The following TRIM6 variants were observed in gnomAD, a reference collection of about 807,000 sequenced individuals.
The protein encoded by TRIM6 is tripartite motif-containing protein 6.
A neutral mutation model predicts 51.2 loss-of-function variants in TRIM6; 43 were observed. The ratio of observed to expected loss-of-function variants is 0.84; its 90% CI spans 0.66 to 1.08. The LOEUF is 1.08. TRIM6 is among the 50% of genes least tolerant of loss of function. The pLI, the probability that TRIM6 is intolerant of heterozygous loss-of-function variation, is 0.00. For missense variants in TRIM6, 669 were observed against 619.0 expected (o/e 1.08, Z -0.86); for synonymous variants, 215 against 232.4 (o/e 0.93, Z 0.68).
Position 5,603,716 on chromosome 11 carries a change from A to T in TRIM6, c.488A>T (p.Glu163Val), listed in dbSNP as rs540938681. The T allele has an allele frequency of 1.9e-5, 31 of 1,612,958 alleles. No individual in the cohort carries two copies. The highest frequency in any genetic ancestry group is 2.5e-5 in the Non-Finnish European group (29 of 1,179,848). Residue 163 changes from glutamate (E) to valine (V), a missense_variant, in exon 2 of 8, where the codon GAG (glutamate) becomes GTG (valine). By Grantham distance (121) the Glu-to-Val change is moderately radical. Transcript: ENST00000380097. Reference sequence around the variant, plus strand: ...GGTCACCACACGTTCCTCGTGGAGGAGGTTGCCCAGGAGTACCAGGTGAGA... The same window carrying T: ...GGTCACCACACGTTCCTCGTGGAGGTGGTTGCCCAGGAGTACCAGGTGAGA... ...HRGHHTFLVE[E>V]VAQEYQEKFQ...
At position 5,611,858 on chromosome 11, in the gene TRIM6, G is replaced by A. The variant is rs1848592201; in HGVS notation, c.*516G>A. ...TTGAGGTGGATAGGGGGCGCTTTCA[G>A]TATTTTGCCATTAAGCATAGTATTT... On this transcript the variant is annotated 3_prime_UTR_variant, in exon 8 of 8. Transcript: ENST00000380097. The A allele has an allele frequency of 6.5e-6, 1 of 152,842 alleles. No individual in the cohort carries two copies. Among genetic ancestry groups the A allele is most frequent in the African/African-American group, 2.4e-5 (1 of 41,440 alleles). 9.5% of individuals were successfully genotyped at this position (152,842 alleles called of 1,614,324 possible).
At position 5,596,925 on chromosome 11, in the gene TRIM6, C is replaced by A. The variant is rs761301591; in HGVS notation, c.17+11C>A. ...GTGCGGGTCAGAGAGGTATGTCTAC[C>A]GTTCTGTTGACTGGCTCTTATTGTC... On this transcript the variant is annotated intron_variant, in intron 1 of 7. Coordinates refer to ENST00000380097, the MANE Select transcript of TRIM6 (RefSeq NM_001003818.3). 3 of 1,614,022 alleles carry A rather than the reference C, an allele frequency of 1.9e-6. No homozygotes were observed. Among genetic ancestry groups the A allele is most frequent in the East Asian group, 4.5e-5 (2 of 44,856 alleles).
intron 4 of TRIM6, among the ~76,000 whole-genome samples, chr11:5,606,139 G>A (rs573891389): frequency 6.6e-6 from 1 of 152,312 alleles, no homozygotes; most frequent in African/African-American, 2.4e-5. Flanking sequence ...TTAGTCACAG[G>A]CACACTTACG....
intron 6 of TRIM6, 33 bp from the exon 7 acceptor site, chr11:5,610,502 A>C (rs1234785653): frequency 1.2e-6 from 2 of 1,614,036 alleles, no homozygotes; most frequent in Non-Finnish European, 1.7e-6. Flanking sequence ...AGTTGGTCCT[A>C]TTCAACATTA....
In TRIM6 at chr11:5,603,391, A is replaced by G. The variant is rs142243294; in HGVS notation, c.163A>G (p.Ser55Gly). 2.5e-6 allele frequency: 4 copies of G among 1,613,942 alleles called. No individual in the cohort carries two copies. Among genetic ancestry groups the G allele is most frequent in the Non-Finnish European group, 3.4e-6 (4 of 1,180,030 alleles). ...ICLELLTEPL[S>G]IDCGHSFCQA... ...CCTGGAGCTCCTAACAGAACCCCTG[A>G]GCATAGACTGTGGCCACAGCTTCTG... The change falls in exon 2 of 8, where the codon AGC becomes GGC. Residue 55 changes from serine to glycine, a missense_variant. Physicochemically the swap from Ser to Gly is moderately conservative, Grantham distance 56 (BLOSUM62 0). Transcript: ENST00000380097.
At chr11:5,609,612 C>G (rs1015467358) in intron 5 of TRIM6, among the ~76,000 whole-genome samples, 6 of 151,976 alleles carry the variant, frequency 3.9e-5, no homozygotes, top group African/African-American at 1.4e-4. Flanking sequence ...AACAGAAAAA[C>G]AAAATGAGAC....
intron 4 of TRIM6, among the ~76,000 whole-genome samples, chr11:5,605,775 TTTTA>T (rs1335807054): frequency 6.6e-6 from 1 of 152,204 alleles, no homozygotes; most frequent in Non-Finnish European, 1.5e-5. Context: ...AAAGTCCCAT[TTTTA>T]TTTATAAAGG....
At chr11:5,602,143 T>C (rs1311872185) in intron 1 of TRIM6, among the ~76,000 whole-genome samples, 1 of 152,102 alleles carries the variant, frequency 6.6e-6, no homozygotes, top group Non-Finnish European at 1.5e-5. Flanking sequence ...TATTAAGTGG[T>C]GTAAGAAGTA....
At position 5,596,895 on chromosome 11, in the gene TRIM6, C is replaced by T. The variant is rs1163317723; in HGVS notation, c.-3C>T. On this transcript the variant is annotated 5_prime_UTR_variant, in exon 1 of 8. Transcript: ENST00000380097. ...TGGAACTTCTTGGCTTCTCATTCCC[C>T]AGATGTGCGGGTCAGAGAGGTATGT... 6.2e-7 allele frequency: 1 copy of T among 1,613,922 alleles called. No homozygotes were observed. Among genetic ancestry groups the T allele is most frequent in the East Asian group, 2.2e-5 (1 of 44,874 alleles).
At chr11:5,605,134 C>G in intron 3 of TRIM6, 1 of 667,690 alleles carries the variant, frequency 1.5e-6, no homozygotes, top group Admixed American at 2.8e-5. Flanking sequence ...TAAAGCAGCC[C>G]GGGGCCAATG....
At chr11:5,596,381 G>A (rs58023584), upstream of TRIM6, among the ~76,000 whole-genome samples, 42,174 of 151,330 alleles carry the variant, frequency 0.28, 6,007 homozygotes, top group Middle Eastern at 0.39. Context: ...GCCGTGTAAA[G>A]AGAGTTAAAC....
In TRIM6 at chr11:5,612,851, C is replaced by CAAAA. The variant is rs551639395; in HGVS notation, c.*1512_*1515dup. Reference sequence around the variant, plus strand: ...TATACCAGATTTCAAATACCTACTTCAAAAAATAATGTAAAATATCTCACT... The same window carrying CAAAA: ...TATACCAGATTTCAAATACCTACTTCAAAAAAAAAATAATGTAAAATATCTCACT... On this transcript the variant is annotated 3_prime_UTR_variant, in exon 8 of 8. Transcript: ENST00000380097. The CAAAA allele has an allele frequency of 5.6e-4, 85 of 152,256 alleles. No individual in the cohort carries two copies. The highest frequency in any genetic ancestry group is 2.0e-3 in the African/African-American group (83 of 41,550). 9.4% of individuals were successfully genotyped at this position (152,256 alleles called of 1,614,324 possible).
At chr11:5,610,286 T>C in intron 6 of TRIM6, 41 bp downstream of exon 6, 1 of 1,613,184 alleles carries the variant, frequency 6.2e-7, no homozygotes, top group South Asian at 1.1e-5. Flanking sequence ...GTGAAATTAC[T>C]GTCGTGGGAA....
chr11:5,610,560 G>C lies in TRIM6; in HGVS notation c.984G>C (p.Trp328Cys). The change falls in exon 7 of 8, where the codon TGG becomes TGC. Residue 328 changes from tryptophan (W) to cysteine (C), a missense_variant and splice_region_variant. Coordinates refer to ENST00000380097, the MANE Select transcript of TRIM6 (RefSeq NM_001003818.3). ...CRELTDVQSY[W>C]VDVTLNPHTA... The stretch of plus-strand genomic sequence containing the variant: ...AGCTGACAGATGTCCAAAGCTACTG[G>C]GGTAAGTAGAAGCCATGGCCTCTTT... The C allele has an allele frequency of 3.1e-6, 5 of 1,613,110 alleles. No homozygotes were observed. Among genetic ancestry groups the C allele is most frequent in the Middle Eastern group, 1.7e-4 (1 of 6,058 alleles).
Position 5,603,347 on chromosome 11 carries a change from A to G in TRIM6, c.119A>G (p.Glu40Gly), listed in dbSNP as rs1049827705. 6.2e-7 allele frequency: 1 copy of G among 1,613,952 alleles called. No homozygotes were observed. The highest frequency in any genetic ancestry group is 8.5e-7 in the Non-Finnish European group (1 of 1,180,016). ...CCAGTACTGGTGGACATACGAGAAG[A>G]GGTGACCTGCCCTATCTGCCTGGAG... ...TSPVLVDIREEVTCPICLELL... is the reference protein window; with the variant it reads ...TSPVLVDIREGVTCPICLELL... Residue 40 changes from glutamate (E) to glycine (G), a missense_variant, in exon 2 of 8, where the codon GAG becomes GGG. Glu to Gly is a moderately conservative substitution (Grantham distance 98, BLOSUM62 -2). Coordinates refer to ENST00000380097, the MANE Select transcript of TRIM6 (RefSeq NM_001003818.3).
intron 6 of TRIM6, 52 bp from the exon 7 acceptor site, chr11:5,610,483 A>T: frequency 6.2e-7 from 1 of 1,613,692 alleles, no homozygotes; most frequent in Non-Finnish European, 8.5e-7. Context: ...GAGATACCAG[A>T]CATGAGACAG....
intron 6 of TRIM6, 39 bp from the exon 7 acceptor site, chr11:5,610,496 G>A (rs1429370752): frequency 6.2e-7 from 1 of 1,613,786 alleles, no homozygotes; most frequent in African/African-American, 1.3e-5. Flanking sequence ...TGAGACAGTT[G>A]GTCCTATTCA....
intron 7 of TRIM6, 82 bp downstream of exon 7, chr11:5,610,643 C>G: frequency 6.3e-7 from 1 of 1,575,476 alleles, no homozygotes; most frequent in Admixed American, 1.8e-5. Context: ...CCACACAGAT[C>G]CTAGGTGTTG....
Position 5,611,737 on chromosome 11 carries a change from G to A in TRIM6, c.*395G>A, listed in dbSNP as rs1342487926. Reference sequence around the variant, plus strand: ...CAAAGTGCTGGGATTACAGATGTGAGCCGCCGCGCCCAGACAGTTCTTTCG... The same window carrying A: ...CAAAGTGCTGGGATTACAGATGTGAACCGCCGCGCCCAGACAGTTCTTTCG... On this transcript the variant is annotated 3_prime_UTR_variant, in exon 8 of 8. Transcript: ENST00000380097. The A allele has an allele frequency of 5.0e-6, 1 of 201,202 alleles. No homozygotes were observed. The highest frequency in any genetic ancestry group is 1.0e-5 in the Non-Finnish European group (1 of 97,932). 12.5% of individuals were successfully genotyped at this position (201,202 alleles called of 1,614,324 possible).
Sources: gnomAD v4.1 joint callset for allele counts (sites outside exome capture counted in the v4.1 genomes callset) on GRCh38, gnomAD v4.1.1 for gene constraint, MANE v1.5 for transcripts, NCBI Gene and HGNC (gene_info 2026-07-23, HGNC 2026-07-21) for gene names.